ANXA3: variants seen among roughly 807,000 people sequenced by gnomAD.
The protein encoded by ANXA3 is annexin A3, also known as 35-alpha calcimedin.
Under a neutral mutation model 48.8 loss-of-function variants are expected in ANXA3, and 46 were observed. That is an observed-to-expected ratio of 0.94 (90% CI 0.74 to 1.21). ANXA3 has a LOEUF of 1.21. Among genes scored for constraint, ANXA3 ranks in the 50% most tolerant of loss-of-function variants. The probability of loss-of-function intolerance (pLI) is 0.00; values close to 1 mark genes in which losing one functional copy is unlikely to be tolerated. For missense variants in ANXA3, 383 were observed against 378.6 expected (o/e 1.01, Z -0.10); for synonymous variants, 128 against 134.7 (o/e 0.95, Z 0.35).
chr4:78,575,419 T>C, intron 3 of ANXA3, among the ~76,000 whole-genome samples: 1 of 152,180 alleles, frequency 6.6e-6, no homozygotes, highest in East Asian at 1.9e-4. Context: ...GGGAGATGAC[T>C]GAATCATGGG....
chr4:78,579,514 G>A lies in ANXA3; in HGVS notation c.198+393G>A, dbSNP rs975165054. On this transcript the variant is annotated intron_variant, in intron 4 of 12. Coordinates refer to ENST00000264908, the MANE Select transcript of ANXA3 (RefSeq NM_005139.3). ...GGATGCTACAAGCATCTGAGAATGC[G>A]CAAGGCAGCCCTCCACAACAAAGAA... Among the ~76,000 whole-genome samples, 8 of 152,178 alleles carry A rather than the reference G, an allele frequency of 5.3e-5. No individual in the cohort carries two copies. In the East Asian group the frequency reaches 5.8e-4, roughly 11 times the overall value.
intron 7 of ANXA3, among the ~76,000 whole-genome samples, chr4:78,593,814 T>C (rs1421775723): frequency 7.0e-6 from 1 of 143,736 alleles, no homozygotes; most frequent in East Asian, 2.0e-4. Flanking sequence ...TTTTTTTTTT[T>C]TTTTTTTTTT....
At chr4:78,607,973 G>A (rs1175286451) in intron 12 of ANXA3, among the ~76,000 whole-genome samples, 2 of 152,160 alleles carry the variant, frequency 1.3e-5, no homozygotes, top group Non-Finnish European at 2.9e-5. Context: ...TTTGATTAGA[G>A]GGTCTACCTT....
intron 10 of ANXA3, among the ~76,000 whole-genome samples, chr4:78,598,112 C>T (rs1231803783): frequency 1.3e-5 from 2 of 151,714 alleles, no homozygotes; most frequent in African/African-American, 2.4e-5. Context: ...GGAAGGATTG[C>T]TGGAGCCAAG....
intron 2 of ANXA3, among the ~76,000 whole-genome samples, chr4:78,558,446 A>AACC (rs1291697453): frequency 2.0e-5 from 3 of 152,230 alleles, no homozygotes; most frequent in Non-Finnish European, 4.4e-5. Flanking sequence ...TGCCACACAA[A>AACC]ACCACATACA....
At position 78,561,138 on chromosome 4, in the gene ANXA3, C is replaced by T. The variant is rs536762141; in HGVS notation, c.15+6650C>T. The stretch of plus-strand genomic sequence containing the variant: ...TATAGAAGATACCGAAAAAGGGATC[C>T]GCGGTGGTAGAAATGTTGGGAAAGG... On this transcript the variant is annotated intron_variant, in intron 2 of 12. Coordinates refer to ENST00000264908, the MANE Select transcript of ANXA3 (RefSeq NM_005139.3). Among the ~76,000 whole-genome samples the T allele has an allele frequency of 2.8e-4, 43 of 152,132 alleles. No homozygotes were observed. The East Asian group carries it at 3.3e-3, about 12-fold the overall frequency.
In ANXA3 at chr4:78,610,126, T is replaced by TA. The variant is rs1560454118; in HGVS notation, c.*13dup. 8 of 1,605,144 alleles carry TA rather than the reference T, an allele frequency of 5.0e-6. No individual in the cohort carries two copies. The highest frequency in any genetic ancestry group is 6.8e-6 in the Non-Finnish European group (8 of 1,173,658). On this transcript the variant is annotated 3_prime_UTR_variant, in exon 13 of 13. Coordinates refer to ENST00000264908, the MANE Select transcript of ANXA3 (RefSeq NM_005139.3). ...GGTGGAGATGACTGAACCAAGAAGA[T>TA]AATCTCCAAAGGTCCACGATGGGCT...
Position 78,599,211 on chromosome 4 carries a change from C to G in ANXA3, c.730+1797C>G, listed in dbSNP as rs556742350. Among the ~76,000 whole-genome samples the G allele has an allele frequency of 1.8e-4, 28 of 152,282 alleles. No individual in the cohort carries two copies. The Middle Eastern group carries it at 0.01, about 56-fold the overall frequency. On this transcript the variant is annotated intron_variant, in intron 10 of 12. Transcript: ENST00000264908. ...TAATGTAGTCACAAGGTTTTGCAAC[C>G]ATCACCACAATCTAAGTTTAGGACG...
At chr4:78,606,449 A>C (rs572281138) in intron 12 of ANXA3, among the ~76,000 whole-genome samples, 6 of 152,114 alleles carry the variant, frequency 3.9e-5, no homozygotes, top group Non-Finnish European at 8.8e-5. Flanking sequence ...AAGCCCCTAC[A>C]AGGCTGGAGC....
intron 6 of ANXA3, among the ~76,000 whole-genome samples, chr4:78,589,320 A>C (rs1723242287): frequency 6.6e-6 from 1 of 152,212 alleles, no homozygotes; most frequent in Non-Finnish European, 1.5e-5. Context: ...CTCTGAGGCT[A>C]CAAAGGATAC....
At chr4:78,577,038 T>C (rs1022590885) in intron 3 of ANXA3, among the ~76,000 whole-genome samples, 8 of 152,304 alleles carry the variant, frequency 5.3e-5, no homozygotes, top group African/African-American at 9.6e-5. Context: ...ATACATGAGC[T>C]AAGGGGCTTA....
intron 12 of ANXA3, among the ~76,000 whole-genome samples, chr4:78,609,707 C>G (rs932052767): frequency 3.3e-5 from 5 of 152,026 alleles, no homozygotes; most frequent in African/African-American, 9.7e-5. Flanking sequence ...CACATTAAGC[C>G]TTTTGAATAG....
At chr4:78,581,196 A>G (rs868128977) in intron 4 of ANXA3, among the ~76,000 whole-genome samples, 1 of 152,208 alleles carries the variant, frequency 6.6e-6, no homozygotes, top group African/African-American at 2.4e-5. Context: ...GGTTGTGTCA[A>G]TCTGTGCCCA....
At chr4:78,592,686 G>A (rs1439547062) in intron 7 of ANXA3, among the ~76,000 whole-genome samples, 1 of 152,162 alleles carries the variant, frequency 6.6e-6, no homozygotes, top group African/African-American at 2.4e-5. Flanking sequence ...AAGTCTTAAA[G>A]CATTCATTTT....
intron 5 of ANXA3, among the ~76,000 whole-genome samples, chr4:78,583,483 G>A (rs939246894): frequency 2.0e-5 from 3 of 151,822 alleles, no homozygotes; most frequent in African/African-American, 7.3e-5. Flanking sequence ...AATTAGCCAG[G>A]CATGGTGGCT....
rs1314442143 is a variant in ANXA3 at position 78,595,886 on chromosome 4, A to T, written c.633A>T (p.Leu211=). 5 of 1,577,748 alleles carry T rather than the reference A, an allele frequency of 3.2e-6. No homozygotes were observed. The East Asian group carries it at 1.1e-4, about 35-fold the overall frequency. Residue 211 remains leucine, a splice_region_variant and synonymous_variant, in exon 9 of 13, where the codon CTA becomes CTT. Transcript: ENST00000264908. The part of the protein sequence containing the change: ...LCLRSFPQLK[L]TFDEYRNISQ... ...TAAGGAGCTTTCCTCAATTAAAACT[A>T]AGTACAAACTCACATTACAATCCTT...
intron 5 of ANXA3, among the ~76,000 whole-genome samples, chr4:78,582,580 A>G (rs7660496): frequency 0.028 from 4,262 of 152,272 alleles, 201 homozygotes; most frequent in African/African-American, 0.097. Context: ...CACTCAAGCT[A>G]AAAACCTAGC....
At chr4:78,574,253 A>G (rs1385812431) in intron 3 of ANXA3, among the ~76,000 whole-genome samples, 1 of 152,060 alleles carries the variant, frequency 6.6e-6, no homozygotes, top group Non-Finnish European at 1.5e-5. Flanking sequence ...GCCCTTCTCT[A>G]CAAAAAAACT....
chr4:78,596,137 G>T (rs530585513), intron 9 of ANXA3, among the ~76,000 whole-genome samples: 8 of 152,266 alleles, frequency 5.3e-5, no homozygotes, highest in Non-Finnish European at 8.8e-5. Flanking sequence ...GAGGGAGGTG[G>T]CAGGGAGAAG....
Sources: allele counts gnomAD v4.1 joint callset (sites outside exome capture counted in the v4.1 genomes callset), GRCh38; gene constraint gnomAD v4.1.1; transcripts MANE v1.5; gene names NCBI Gene and HGNC (gene_info 2026-07-23, HGNC 2026-07-21).